PADI6: variants seen among roughly 807,000 people sequenced by gnomAD.
PADI6 encodes peptidyl arginine deiminase 6, also known as inactive protein-arginine deiminase type-6.
In PADI6, 66 loss-of-function variants were observed where a neutral mutation model predicts 78.2. The ratio of observed to expected loss-of-function variants is 0.84; its 90% CI spans 0.69 to 1.04. PADI6 has a LOEUF of 1.04. Ranked by LOEUF, PADI6 falls within the 50% of genes least tolerant of loss-of-function variation. The probability of loss-of-function intolerance (pLI) is 0.00; values close to 1 mark genes in which losing one functional copy is unlikely to be tolerated. For missense variants in PADI6, 854 were observed against 866.1 expected (o/e 0.99, Z 0.18); for synonymous variants, 397 against 346.9 (o/e 1.14, Z -1.60).
In PADI6 at chr1:17,392,210, GGGCAGGT is replaced by G; in HGVS notation, c.1063_1069del (p.Arg355SerfsTer19). 1 of 1,555,682 alleles carries G rather than the reference GGGCAGGT, an allele frequency of 6.4e-7. No individual in the cohort carries two copies. The highest frequency in any genetic ancestry group is 1.2e-5 in the South Asian group (1 of 84,226). On this transcript the variant is annotated frameshift_variant, in exon 9 of 16. Transcript: ENST00000619609. LOFTEE classifies it high-confidence loss of function. ...CTGTCTATGAGGACCCCAACCGCCT[GGGCAGGT>G]GGCTCCAGGTAACACCCCACCTGGG... is the stretch of plus-strand genomic sequence containing the variant.
chr1:17,377,512 C>G (rs545573679), intron 3 of PADI6, among the ~76,000 whole-genome samples: 66 of 152,260 alleles, frequency 4.3e-4, no homozygotes, highest in African/African-American at 1.5e-3. Context: ...TATTGCCTAC[C>G]CAGCATGATC....
At chr1:17,397,377 C>G (rs1048400055) in intron 14 of PADI6, among the ~76,000 whole-genome samples, 1 of 152,102 alleles carries the variant, frequency 6.6e-6, no homozygotes, top group Non-Finnish European at 1.5e-5. Context: ...AAACACAGCA[C>G]GATGTACCTT....
At chr1:17,374,744 CAAAG>C (rs2074998964) in intron 2 of PADI6, among the ~76,000 whole-genome samples, 1 of 152,196 alleles carries the variant, frequency 6.6e-6, no homozygotes, top group African/African-American at 2.4e-5. Context: ...GAGTGGCCAA[CAAAG>C]AACCTTGAAC....
intron 3 of PADI6, among the ~76,000 whole-genome samples, chr1:17,379,233 C>T (rs1199819094): frequency 6.7e-6 from 1 of 148,654 alleles, no homozygotes; most frequent in Non-Finnish European, 1.5e-5. Flanking sequence ...CCTGCCTCAG[C>T]CTCCCGAGAA....
At chr1:17,397,470 G>T (rs1050515026) in intron 14 of PADI6, among the ~76,000 whole-genome samples, 2 of 152,188 alleles carry the variant, frequency 1.3e-5, no homozygotes, top group African/African-American at 4.8e-5. Flanking sequence ...GACAGGGGCA[G>T]GGAGGAGCGC....
intron 9 of PADI6, among the ~76,000 whole-genome samples, chr1:17,392,472 C>T (rs911523021): frequency 6.6e-6 from 1 of 152,210 alleles, no homozygotes; most frequent in Non-Finnish European, 1.5e-5. Flanking sequence ...CCACAGAACC[C>T]TAACCCCCAG....
In PADI6 at chr1:17,374,303, G is replaced by A. The variant is rs530958838; in HGVS notation, c.294+1070G>A. 1.3e-3 allele frequency among the ~76,000 whole-genome samples: 196 copies of A among 152,098 alleles called. 1 individual carries two copies. Among genetic ancestry groups the A allele is most frequent in the African/African-American group, 4.3e-3 (180 of 41,494 alleles). ...GTGTGCCCAGGGCAGGCAACTCCCT[G>A]AGAGGCAAGTAGTGGACTTAGGTAG... On this transcript the variant is annotated intron_variant, in intron 2 of 15. Transcript: ENST00000619609.
In PADI6 at chr1:17,388,379, A is replaced by G; in HGVS notation, c.680-2A>G. The G allele has an allele frequency of 6.2e-7, 1 of 1,607,998 alleles. No individual in the cohort carries two copies. On this transcript the variant is annotated splice_acceptor_variant, in intron 6 of 15. Transcript: ENST00000619609. LOFTEE classifies it high-confidence loss of function. ...CTGGTCCATCCCTTCTTTCTCTCCT[A>G]GAAGACAACTCCAGTACCTTTGAGT...
At chr1:17,397,775 G>A (rs2075260901) in intron 14 of PADI6, among the ~76,000 whole-genome samples, 1 of 152,142 alleles carries the variant, frequency 6.6e-6, no homozygotes, top group Non-Finnish European at 1.5e-5. Context: ...ACAATCATTT[G>A]GGAAAATGAG....
rs191961445 is a variant in PADI6 at position 17,384,708 on chromosome 1, C to T, written c.679+2616C>T. Among the ~76,000 whole-genome samples the T allele has an allele frequency of 4.6e-3, 694 of 152,330 alleles. 3 individuals carry two copies. Among genetic ancestry groups the T allele is most frequent in the Non-Finnish European group, 7.0e-3 (474 of 68,030 alleles). ...GAGCCGACATTGCACCACTGCACTCCAGTCTGGGCAAAGTAAGGCAGTGGC... is the reference window on the plus strand; with the variant it reads ...GAGCCGACATTGCACCACTGCACTCTAGTCTGGGCAAAGTAAGGCAGTGGC... On this transcript the variant is annotated intron_variant, in intron 6 of 15. Transcript: ENST00000619609.
intron 9 of PADI6, among the ~76,000 whole-genome samples, chr1:17,392,841 GC>G (rs1411880322): frequency 1.3e-5 from 2 of 152,008 alleles, no homozygotes; most frequent in African/African-American, 4.8e-5. Context: ...GAGATTTGGG[GC>G]AGGGGTGGCC....
Position 17,382,078 on chromosome 1 carries a change from T to C in PADI6, c.665T>C (p.Val222Ala). The C allele has an allele frequency of 6.2e-7, 1 of 1,613,634 alleles. No homozygotes were observed. The highest frequency in any genetic ancestry group is 8.5e-7 in the Non-Finnish European group (1 of 1,179,796). The change falls in exon 6 of 16, where the codon GTC becomes GCC. Residue 222 changes from valine (V) to alanine (A), a missense_variant. Val to Ala is a moderately conservative substitution (Grantham distance 64). Transcript: ENST00000619609. ...TSKEESKKAR[V>A]YWPQKDNSST... ...AAGGAAGAGTCGAAGAAGGCGAGAG[T>C]CTACTGGCCCCAAAGTGAGTGTTCT...
At position 17,398,861 on chromosome 1, in the gene PADI6, G is replaced by A. The variant is rs770414791; in HGVS notation, c.1851+14G>A. On this transcript the variant is annotated intron_variant, in intron 15 of 15. Coordinates refer to ENST00000619609, the MANE Select transcript of PADI6 (RefSeq NM_207421.4). ...TTCCCTGACCTGGTGAGGGGCGACT[G>A]CGCATCCCTGGGTGGGGGAGGGCCT... The A allele has an allele frequency of 1.9e-6, 3 of 1,612,218 alleles. No homozygotes were observed. The highest frequency in any genetic ancestry group is 2.5e-6 in the Non-Finnish European group (3 of 1,179,014).
intron 6 of PADI6, among the ~76,000 whole-genome samples, chr1:17,383,889 C>CT (rs1481915193): frequency 1.3e-5 from 2 of 151,898 alleles, no homozygotes; most frequent in Non-Finnish European, 2.9e-5. Context: ...GGGCTTATGC[C>CT]TATAATCCCA....
intron 2 of PADI6, among the ~76,000 whole-genome samples, chr1:17,374,845 C>T (rs1162060188): frequency 6.6e-6 from 1 of 152,074 alleles, no homozygotes; most frequent in African/African-American, 2.4e-5. Flanking sequence ...ATGACCAAGA[C>T]CTTGTGGTCA....
chr1:17,392,713 T>C (rs1179387352), intron 9 of PADI6, among the ~76,000 whole-genome samples: 7 of 152,208 alleles, frequency 4.6e-5, no homozygotes, highest in Admixed American at 2.0e-4. Flanking sequence ...AACTTTTAAG[T>C]GCTATGAAAT....
chr1:17,386,706 G>A (rs1240020577), intron 6 of PADI6, among the ~76,000 whole-genome samples: 1 of 152,188 alleles, frequency 6.6e-6, no homozygotes, highest in East Asian at 1.9e-4. Context: ...CTCACAGCCA[G>A]CAGCAGGACT....
chr1:17,372,449 T>G (rs937440099), intron 1 of PADI6, 88 bp downstream of exon 1: 25 of 1,258,100 alleles, frequency 2.0e-5, no homozygotes, highest in Non-Finnish European at 2.8e-5. Flanking sequence ...AGTTGGGGGT[T>G]ACTTCTCTAG....
chr1:17,373,151 C>A lies in PADI6; in HGVS notation c.212C>A (p.Ala71Asp). The change falls in exon 2 of 16, where the codon GCC becomes GAC. Residue 71 changes from alanine (A) to aspartate (D), a missense_variant. Ala to Asp is a moderately radical substitution (Grantham distance 126, BLOSUM62 -2). Transcript: ENST00000619609. ...ACGGTGATTTCTGAGAAGGAGGACG[C>A]CACCATCTGGTGGCCCCTGTCTGAT... ...ANTVISEKED[A>D]TIWWPLSDPT... 6.2e-7 allele frequency: 1 copy of A among 1,614,030 alleles called. No homozygotes were observed.
Sources: gnomAD v4.1 joint callset for allele counts (sites outside exome capture counted in the v4.1 genomes callset) on GRCh38, gnomAD v4.1.1 for gene constraint, MANE v1.5 for transcripts, NCBI Gene and HGNC (gene_info 2026-07-23, HGNC 2026-07-21) for gene names.